COL21A1: variants seen among roughly 807,000 people sequenced by gnomAD.
COL21A1 encodes the protein collagen type XXI alpha 1 chain.
In COL21A1, 149 loss-of-function variants were observed where a neutral mutation model predicts 137.9. The ratio of observed to expected loss-of-function variants is 1.08; its 90% CI spans 0.95 to 1.24. The LOEUF is 1.24. Among genes scored for constraint, COL21A1 ranks in the 50% most tolerant of loss-of-function variants. The probability of loss-of-function intolerance (pLI) is 0.00; values close to 1 mark genes in which losing one functional copy is unlikely to be tolerated. For synonymous variants in COL21A1, 456 were observed against 391.5 expected (o/e 1.16, Z -1.95); for missense variants, 1,167 against 1,158.4 (o/e 1.01, Z -0.11).
At chr6:56,089,128 A>T (rs946110562) in intron 17 of COL21A1, among the ~76,000 whole-genome samples, 2 of 152,168 alleles carry the variant, frequency 1.3e-5, no homozygotes, top group African/African-American at 4.8e-5. Context: ...TATTGGAAAG[A>T]CAAACTGCTC....
intron 7 of COL21A1, 35 bp downstream of exon 7, chr6:56,166,871 C>T: frequency 6.7e-7 from 1 of 1,498,386 alleles, no homozygotes. Context: ...AGTACTAAAG[C>T]AACATCTGGG....
chr6:56,173,493 A>T (rs1444949819), intron 3 of COL21A1, among the ~76,000 whole-genome samples: 1 of 151,968 alleles, frequency 6.6e-6, no homozygotes, highest in African/African-American at 2.4e-5. Context: ...AAATTTAAGG[A>T]CACACATAGG....
intron 1 of COL21A1, among the ~76,000 whole-genome samples, chr6:56,200,647 G>T (rs1779326278): frequency 6.6e-6 from 1 of 151,736 alleles, no homozygotes. Flanking sequence ...CATTTTTTAT[G>T]GCTGCATAGT....
intron 16 of COL21A1, among the ~76,000 whole-genome samples, chr6:56,113,720 C>T (rs1771649325): frequency 6.6e-6 from 1 of 152,102 alleles, no homozygotes; most frequent in Non-Finnish European, 1.5e-5. Flanking sequence ...ACCTTAGGTA[C>T]CAACACTGCC....
intron 1 of COL21A1, among the ~76,000 whole-genome samples, chr6:56,237,185 C>T (rs1206060550): frequency 6.6e-6 from 1 of 151,914 alleles, no homozygotes; most frequent in Non-Finnish European, 1.5e-5. Flanking sequence ...CAGTAATAGA[C>T]AGTAGCAAAG....
chr6:56,269,244 C>T (rs1763464811), intron 1 of COL21A1, among the ~76,000 whole-genome samples: 1 of 152,152 alleles, frequency 6.6e-6, no homozygotes, highest in South Asian at 2.1e-4. Flanking sequence ...CATGCCAATT[C>T]AAGAAATAAA....
intron 1 of COL21A1, among the ~76,000 whole-genome samples, chr6:56,348,075 G>T (rs896243699): frequency 3.9e-5 from 6 of 152,170 alleles, no homozygotes; most frequent in African/African-American, 1.4e-4. Flanking sequence ...CATGATTGTT[G>T]TGATTGGAGC....
At chr6:56,306,549 G>A (rs916986884) in intron 1 of COL21A1, among the ~76,000 whole-genome samples, 18 of 152,218 alleles carry the variant, frequency 1.2e-4, no homozygotes, top group African/African-American at 3.6e-4. Context: ...TGCATTCATC[G>A]TGTAGTTCTC....
At chr6:56,359,407 T>C (rs1486613979) in intron 1 of COL21A1, among the ~76,000 whole-genome samples, 1 of 152,182 alleles carries the variant, frequency 6.6e-6, no homozygotes, top group Non-Finnish European at 1.5e-5. Flanking sequence ...GTTCAGATGA[T>C]TACCCACCAG....
chr6:56,211,189 A>ATATGTATATATACATATATATG lies in COL21A1; in HGVS notation c.-38-28534_-38-28533insCATATATATGTATATATACATA, dbSNP rs1357554647. On this transcript the variant is annotated intron_variant, in intron 1 of 29. Coordinates refer to ENST00000244728, the MANE Select transcript of COL21A1 (RefSeq NM_030820.4). ...TATATGTATATATACATATATATGT[A>ATATGTATATATACATATATATG]TATATGTATATATACATATATATGT... 4.4e-3 allele frequency among the ~76,000 whole-genome samples: 59 copies of ATATGTATATATACATATATATG among 13,472 alleles called. No individual in the cohort carries two copies. The African/African-American group carries it at 0.046, about 10-fold the overall frequency. 8.8% of individuals were successfully genotyped at this position (13,472 alleles called of 152,430 possible).
chr6:56,385,744 A>C (rs1224018921), intron 1 of COL21A1, among the ~76,000 whole-genome samples: 1 of 150,730 alleles, frequency 6.6e-6, no homozygotes, highest in Non-Finnish European at 1.5e-5. Flanking sequence ...AGCTCCTGAC[A>C]ACCCTCAATC....
chr6:56,316,748 C>T lies in COL21A1; in HGVS notation c.-39+77223G>A, dbSNP rs537072155. 7.2e-5 allele frequency among the ~76,000 whole-genome samples: 11 copies of T among 152,008 alleles called. No individual in the cohort carries two copies. The East Asian group carries it at 2.1e-3, about 29-fold the overall frequency. On this transcript the variant is annotated intron_variant, in intron 1 of 28. Coordinates refer to the COL21A1 transcript ENST00000370819. Reference sequence around the variant, plus strand: ...CCACCCACTTCAGCCTCCCAAAGTGCCCTCAGTTCACAGGAATGAGTTACT... The same window carrying T: ...CCACCCACTTCAGCCTCCCAAAGTGTCCTCAGTTCACAGGAATGAGTTACT...
upstream of COL21A1, among the ~76,000 whole-genome samples, chr6:56,251,555 C>T (rs761282659): frequency 7.9e-5 from 12 of 152,112 alleles, no homozygotes; most frequent in Non-Finnish European, 1.6e-4. Context: ...GTTCATAAAG[C>T]TCTTTGATTG....
At chr6:56,090,940 A>G (rs150543196) in intron 17 of COL21A1, among the ~76,000 whole-genome samples, 5 of 152,314 alleles carry the variant, frequency 3.3e-5, no homozygotes, top group Non-Finnish European at 7.3e-5. Flanking sequence ...AAAAAGTATT[A>G]CAAATCTGTA....
intron 10 of COL21A1, among the ~76,000 whole-genome samples, chr6:56,153,321 T>C (rs745314386): frequency 4.6e-5 from 7 of 151,942 alleles, no homozygotes; most frequent in Non-Finnish European, 7.4e-5. Context: ...TTGCCCACAC[T>C]CTCCATCCAG....
At chr6:56,324,024 C>G (rs1268476339) in intron 1 of COL21A1, among the ~76,000 whole-genome samples, 1 of 152,010 alleles carries the variant, frequency 6.6e-6, no homozygotes, top group African/African-American at 2.4e-5. Flanking sequence ...GTAGTATTAT[C>G]TTATAAAAAT....
chr6:56,152,536 C>A (rs1176712218), intron 10 of COL21A1, among the ~76,000 whole-genome samples: 3 of 152,152 alleles, frequency 2.0e-5, no homozygotes, highest in African/African-American at 7.2e-5. Flanking sequence ...TACACACAGA[C>A]ACCAAAACAC....
chr6:56,286,866 A>T (rs1038554774), intron 1 of COL21A1, among the ~76,000 whole-genome samples: 5 of 152,226 alleles, frequency 3.3e-5, no homozygotes, highest in Non-Finnish European at 7.3e-5. Flanking sequence ...AGAGGAAAAG[A>T]ATGTTCCTAG....
chr6:56,363,873 A>C (rs1244981927), intron 1 of COL21A1, among the ~76,000 whole-genome samples: 1 of 152,242 alleles, frequency 6.6e-6, no homozygotes, highest in East Asian at 1.9e-4. Flanking sequence ...ATTTAAAAGC[A>C]AGAATGCCTA....
Sources: gnomAD v4.1 joint callset for allele counts (sites outside exome capture counted in the v4.1 genomes callset) on GRCh38, gnomAD v4.1.1 for gene constraint, MANE v1.5 for transcripts, NCBI Gene and HGNC (gene_info 2026-07-23, HGNC 2026-07-21) for gene names.